Variants in THOC2 observed in about 807,000 individuals in gnomAD.
THOC2 encodes the protein THO complex 2.
Under a neutral mutation model 128.4 loss-of-function variants are expected in THOC2, and 10 were observed. The ratio of observed to expected loss-of-function variants is 0.08; its 90% confidence interval spans 0.05 to 0.13. The LOEUF is 0.13. THOC2 is among the 10% of genes least tolerant of loss of function. The pLI is 1.00. For missense variants in THOC2, 535 were observed against 1,155.7 expected, an observed-to-expected ratio of 0.46 and a Z score of 7.79; for synonymous variants, 393 against 396.9, an observed-to-expected ratio of 0.99 and a Z score of 0.12.
chrX:123,699,101 A>T (rs1452449364), intron 4 of THOC2, among the ~76,000 whole-genome samples: 2 of 111,683 alleles, frequency 1.8e-5, no homozygotes, highest in East Asian at 5.6e-4. Flanking sequence ...CAGGATTACA[A>T]ACAAGGCTGA....
Position 123,665,920 on chromosome X carries a change from C to T in THOC2, c.1191-83G>A, listed in dbSNP as rs190838739. ...ACTATATACACACACACTACAATAT[C>T]TACCATTTTAACAAAGTTATCTTAA... is the stretch of plus-strand genomic sequence containing the variant. On this transcript the variant is annotated intron_variant, in intron 11 of 38. Coordinates refer to ENST00000245838, the MANE Select transcript of THOC2 (RefSeq NM_001081550.2). 7.3e-5 allele frequency: 40 copies of T among 548,794 alleles called. No homozygotes were observed. The African/African-American group carries it at 7.3e-4, about 10-fold the overall frequency. The allele number at this position is 548,794 out of a possible 1,213,427, so 45.2% of individuals were successfully genotyped here.
intron 8 of THOC2, among the ~76,000 whole-genome samples, chrX:123,684,482 C>T (rs189153490): frequency 8.9e-6 from 1 of 111,904 alleles, no homozygotes; most frequent in East Asian, 2.8e-4. Context: ...CTCCCAGGTT[C>T]AAGAGATTCT....
At position 123,633,949 on chromosome X, in the gene THOC2, T is replaced by G. The variant is rs1308370695; in HGVS notation, c.2136+4A>C. The G allele has an allele frequency of 8.9e-7, 1 of 1,126,467 alleles. No individual in the cohort carries two copies. Among genetic ancestry groups the G allele is most frequent in the African/African-American group, 1.8e-5 (1 of 55,117 alleles). 92.8% of individuals were successfully genotyped at this position (1,126,467 alleles called of 1,213,427 possible). A position where few individuals can be genotyped will look rare whatever the true frequency, so the allele number is the denominator to read the frequency against. On this transcript the variant is annotated splice_donor_region_variant and intron_variant, in intron 20 of 38. Coordinates refer to ENST00000245838, the MANE Select transcript of THOC2 (RefSeq NM_001081550.2). ...AGTTGATGAACAAAAATAGCAATTC[T>G]TACCTCAGCTTTTAGCTGCTCTCCA...
At chrX:123,656,709 C>CA (rs1375569642) in intron 12 of THOC2, among the ~76,000 whole-genome samples, 1 of 106,183 alleles carries the variant, frequency 9.4e-6, no homozygotes, top group East Asian at 3.0e-4. Context: ...AACTCTGTCT[C>CA]AAAAAAACAA....
At chrX:123,647,574 G>T (rs1165803573) in intron 12 of THOC2, among the ~76,000 whole-genome samples, 1 of 110,829 alleles carries the variant, frequency 9.0e-6, no homozygotes, top group African/African-American at 3.3e-5. Flanking sequence ...GGTGGCTGAC[G>T]CCTGTAATCC....
chrX:123,662,919 C>G (rs1000477679), intron 12 of THOC2, among the ~76,000 whole-genome samples: 5 of 111,883 alleles, frequency 4.5e-5, no homozygotes, highest in Admixed American at 1.9e-4. Context: ...CACTACATAC[C>G]CACTAGAATG....
chrX:123,623,506 T>C (rs2047159444), intron 28 of THOC2: 1 of 577,337 alleles, frequency 1.7e-6, no homozygotes, highest in Non-Finnish European at 2.6e-6. Context: ...GATGGCTTTT[T>C]TTTTTTACTC....
intron 22 of THOC2, 100 bp downstream of exon 22, chrX:123,631,588 G>T: frequency 1.1e-6 from 1 of 940,340 alleles, no homozygotes; most frequent in South Asian, 2.2e-5. Context: ...TTAGGGCCAA[G>T]ACCTTCCCCC....
chrX:123,732,914 G>A (rs1472414536), intron 1 of THOC2, 38 bp downstream of exon 1: 11 of 1,186,417 alleles, frequency 9.3e-6, no homozygotes, highest in African/African-American at 5.3e-5. Flanking sequence ...GCCCTGGCCC[G>A]GCCCGGCAGT....
In THOC2 at chrX:123,613,629, G is replaced by C; in HGVS notation, c.4519+10C>G. On this transcript the variant is annotated intron_variant, in intron 35 of 38. Transcript: ENST00000245838. ...ATGATATCTTCAAAGATATGAATAA[G>C]TCTACCTACTTGTTCCATTCTCCTC... 8.3e-7 allele frequency: 1 copy of C among 1,209,042 alleles called. No homozygotes were observed. Among genetic ancestry groups the C allele is most frequent in the Non-Finnish European group, 1.1e-6 (1 of 893,197 alleles).
chrX:123,658,835 T>C lies in THOC2; in HGVS notation c.1386+6807A>G, dbSNP rs1291915681. 2.7e-5 allele frequency among the ~76,000 whole-genome samples: 3 copies of C among 111,839 alleles called. No homozygotes were observed. In the Admixed American group the frequency reaches 2.9e-4, roughly 11 times the overall value. ...ATGGACTTTGGGTGATGTGTCAATG[T>C]GGATTCATCCCTGTAACAAATGTAC... is the stretch of plus-strand genomic sequence containing the variant. On this transcript the variant is annotated intron_variant, in intron 12 of 38. Transcript: ENST00000245838.
rs752793629 is a variant in THOC2 at position 123,624,688 on chromosome X, T to A, written c.3058-19A>T. 6.9e-5 allele frequency: 81 copies of A among 1,178,237 alleles called. No individual in the cohort carries two copies. In the African/African-American group the frequency reaches 9.9e-4, roughly 14 times the overall value. On this transcript the variant is annotated intron_variant, in intron 25 of 38. Transcript: ENST00000245838. ...AGAAAACCTACAGGAGAAAAATGTT[T>A]AAAAAATATAAACAAATCAAGGTCA...
chrX:123,676,159 C>T (rs929383514), intron 8 of THOC2, among the ~76,000 whole-genome samples: 8 of 112,510 alleles, frequency 7.1e-5, no homozygotes, highest in Non-Finnish European at 1.1e-4. Context: ...TTCGGTCTCA[C>T]TACTGCTTGT....
At chrX:123,603,592 ATGG>A in intron 38 of THOC2, 1 of 740,811 alleles carries the variant, frequency 1.3e-6, no homozygotes, top group South Asian at 2.2e-5. Context: ...CGTCAAGAGG[ATGG>A]TGGTGTGTAC....
chrX:123,714,447 T>C (rs1197053200), intron 1 of THOC2, among the ~76,000 whole-genome samples: 1 of 112,151 alleles, frequency 8.9e-6, no homozygotes, highest in Non-Finnish European at 1.9e-5. Context: ...ATTATAAATA[T>C]ATACACATAC....
At chrX:123,691,936 C>T (rs1457453724) in intron 7 of THOC2, among the ~76,000 whole-genome samples, 4 of 111,912 alleles carry the variant, frequency 3.6e-5, no homozygotes, top group African/African-American at 1.3e-4. Flanking sequence ...TATGTACTAT[C>T]TATAGCTGTT....
At chrX:123,636,472 C>T (rs1368492260) in intron 18 of THOC2, among the ~76,000 whole-genome samples, 2 of 111,670 alleles carry the variant, frequency 1.8e-5, no homozygotes, top group African/African-American at 6.5e-5. Context: ...CTCATGGTCA[C>T]GTAGTACAAA....
chrX:123,605,407 G>A (rs2046428806), intron 38 of THOC2, among the ~76,000 whole-genome samples: 1 of 111,308 alleles, frequency 9.0e-6, no homozygotes, highest in African/African-American at 3.3e-5. Context: ...TTTTTTTTAA[G>A]TATAAAAGTT....
At chrX:123,602,531 A>G (rs2147496637) in intron 38 of THOC2, 1 of 112,311 alleles carries the variant, frequency 8.9e-6, no homozygotes, top group East Asian at 2.8e-4. Flanking sequence ...AACAGGCAAA[A>G]TCACAGAGAC....
Sources: gnomAD v4.1 joint callset for allele counts (sites outside exome capture counted in the v4.1 genomes callset) on GRCh38, gnomAD v4.1.1 for gene constraint, MANE v1.5 for transcripts, NCBI Gene and HGNC (gene_info 2026-07-23, HGNC 2026-07-21) for gene names.